MMP27: variants seen among roughly 807,000 people sequenced by gnomAD.
MMP27 encodes matrix metalloproteinase-27.
In MMP27, 51 loss-of-function variants were observed where a neutral mutation model predicts 48.1. The ratio of observed to expected loss-of-function variants is 1.06; its 90% CI spans 0.85 to 1.34. The LOEUF is 1.34. Among genes scored for constraint, MMP27 ranks in the 40% most tolerant of loss-of-function variants. MMP27 has a pLI of 0.00. For synonymous variants in MMP27, 229 were observed against 208.9 expected (o/e 1.10, Z -0.83); for missense variants, 698 against 619.3 (o/e 1.13, Z -1.35).
chr11:102,700,390 A>C (rs1860917701), intron 4 of MMP27, among the ~76,000 whole-genome samples: 1 of 152,206 alleles, frequency 6.6e-6, no homozygotes, highest in Admixed American at 6.5e-5. Context: ...CACCCTAGTT[A>C]TCATTATCAT....
rs563310713 is a variant in MMP27, at chr11:102,694,037, A to C, written c.1062T>G (p.Tyr354Ter). ...KDENFWMIRG[Y>*]AVLPDYPKSI... ...ATTTGGGATAATCTGGCAAGACAGCATATCCTCTGATCATCCAGAAGTTTT... is the reference window on the plus strand; with the variant it reads ...ATTTGGGATAATCTGGCAAGACAGCCTATCCTCTGATCATCCAGAAGTTTT... The change falls in exon 8 of 10, where the codon TAT becomes TAG. Residue 354 changes from tyrosine to a stop codon, truncating the protein, a stop_gained. Coordinates refer to ENST00000260229, the MANE Select transcript of MMP27 (RefSeq NM_022122.3). LOFTEE classifies it high-confidence loss of function. The C allele has an allele frequency of 2.5e-6, 4 of 1,599,712 alleles. No individual in the cohort carries two copies. Among genetic ancestry groups the C allele is most frequent in the Non-Finnish European group, 2.6e-6 (3 of 1,173,798 alleles).
intron 4 of MMP27, among the ~76,000 whole-genome samples, chr11:102,701,273 C>A (rs924830774): frequency 6.7e-6 from 1 of 150,292 alleles, no homozygotes; most frequent in African/African-American, 2.5e-5. Flanking sequence ...CGAGCCTTAC[C>A]GATGTGGAAC....
At chr11:102,701,500 T>C (rs1225398923) in intron 4 of MMP27, among the ~76,000 whole-genome samples, 2 of 152,204 alleles carry the variant, frequency 1.3e-5, no homozygotes, top group South Asian at 4.1e-4. Context: ...ATATTTCCTG[T>C]AACTGTTTGG....
intron 4 of MMP27, among the ~76,000 whole-genome samples, chr11:102,697,138 C>T (rs181030390): frequency 9.8e-5 from 15 of 152,310 alleles, no homozygotes; most frequent in Admixed American, 8.5e-4. Flanking sequence ...TGCTCCCAGG[C>T]TACAAACCTG....
chr11:102,702,782 T>G lies in MMP27; in HGVS notation c.590A>C (p.Glu197Ala), dbSNP rs200213524. Reference sequence around the variant, plus strand: ...TCCATCCTTGGTCCAGTTTTCATCCTCATCAAAATGAGTGTCACCACCCAG... The same window carrying G: ...TCCATCCTTGGTCCAGTTTTCATCCGCATCAAAATGAGTGTCACCACCCAG... ...PGLGGDTHFD[E>A]DENWTKDGAG... The change falls in exon 4 of 10, where the codon GAG (glutamate) becomes GCG (alanine). Residue 197 changes from glutamate to alanine, a missense_variant. Transcript: ENST00000260229. The G allele has an allele frequency of 1.8e-4, 292 of 1,613,642 alleles. 1 individual carries two copies. The East Asian group carries it at 6.3e-3, about 35-fold the overall frequency.
At chr11:102,700,005 C>T (rs776292194) in intron 4 of MMP27, among the ~76,000 whole-genome samples, 3 of 152,190 alleles carry the variant, frequency 2.0e-5, no homozygotes, top group Non-Finnish European at 4.4e-5. Flanking sequence ...TCTGTGAGGA[C>T]CTATTACATT....
rs1024980841 is a variant in MMP27 at position 102,693,997 on chromosome 11, C to G, written c.1102G>C (p.Gly368Arg). 1.9e-6 allele frequency: 3 copies of G among 1,610,264 alleles called. No homozygotes were observed. The African/African-American group carries it at 4.0e-5, about 22-fold the overall frequency. The change falls in exon 8 of 10, where the codon GGT (glycine) becomes CGT (arginine). Residue 368 changes from glycine (G) to arginine (R), a missense_variant. By Grantham distance (125) the Gly-to-Arg change is moderately radical. Transcript: ENST00000260229. ...ATTTTCTTCACACGTCCTGGAAAACCTAATGTATGGATGGATTTGGGATAA... is the reference window on the plus strand; with the variant it reads ...ATTTTCTTCACACGTCCTGGAAAACGTAATGTATGGATGGATTTGGGATAA... Reference protein sequence around the residue: ...PDYPKSIHTLGFPGRVKKIDA... With the variant: ...PDYPKSIHTLRFPGRVKKIDA...
Position 102,704,674 on chromosome 11 carries a change from T to A in MMP27, c.204A>T (p.Ala68=). Residue 68 remains alanine (A), a synonymous_variant, in exon 2 of 10, where the codon GCA becomes GCT. Coordinates refer to ENST00000260229, the MANE Select transcript of MMP27 (RefSeq NM_022122.3). ...TTCCAGTCACTGTCAATCCAAAAAA[T>A]GCTTGCATTTCCCGAATTTTGTCAT... ...LIDDKIREMQ[A]FFGLTVTGKL... The A allele has an allele frequency of 6.2e-7, 1 of 1,614,000 alleles. No individual in the cohort carries two copies. The highest frequency in any genetic ancestry group is 1.7e-5 in the Admixed American group (1 of 60,008).
chr11:102,700,182 A>T (rs4121367), intron 4 of MMP27, among the ~76,000 whole-genome samples: 36 of 152,298 alleles, frequency 2.4e-4, no homozygotes, highest in African/African-American at 7.7e-4. Context: ...ATGTTCAATA[A>T]ATGATCATTG....
chr11:102,700,166 T>C (rs1860912285), intron 4 of MMP27, among the ~76,000 whole-genome samples: 3 of 152,346 alleles, frequency 2.0e-5, no homozygotes, highest in Admixed American at 2.0e-4. Flanking sequence ...GCCTGAGTCA[T>C]AGTGGATGTT....
At chr11:102,703,767 G>A (rs953184698) in intron 2 of MMP27, among the ~76,000 whole-genome samples, 15 of 152,006 alleles carry the variant, frequency 9.9e-5, no homozygotes, top group Non-Finnish European at 1.6e-4. Flanking sequence ...CAGGTGATCC[G>A]TCTGCCTCAG....
At chr11:102,705,126 T>A (rs1861022910) in intron 1 of MMP27, among the ~76,000 whole-genome samples, 1 of 152,258 alleles carries the variant, frequency 6.6e-6, no homozygotes, top group Non-Finnish European at 1.5e-5. Context: ...TTCATTTTGG[T>A]GTTTCTTTGA....
intron 4 of MMP27, 91 bp downstream of exon 4, chr11:102,702,662 T>G: frequency 7.0e-7 from 1 of 1,428,814 alleles, no homozygotes; most frequent in Non-Finnish European, 9.5e-7. Flanking sequence ...ATTGGGAACT[T>G]TACAGTTAAA....
intron 6 of MMP27, among the ~76,000 whole-genome samples, chr11:102,696,166 T>A (rs1421815742): frequency 6.6e-6 from 1 of 152,224 alleles, no homozygotes; most frequent in Non-Finnish European, 1.5e-5. Flanking sequence ...TGGCAATTTT[T>A]AAAATTCCTT....
chr11:102,692,802 G>A (rs922102142), intron 9 of MMP27, 136 bp downstream of exon 9: 14 of 632,766 alleles, frequency 2.2e-5, no homozygotes, highest in Non-Finnish European at 3.4e-5. Flanking sequence ...TGTTTGTGGG[G>A]TTAATGTTTA....
intron 9 of MMP27, 55 bp from the exon 10 acceptor site, chr11:102,692,065 A>C: frequency 7.1e-7 from 1 of 1,414,322 alleles, no homozygotes; most frequent in South Asian, 1.6e-5. Context: ...ATACTTCCAT[A>C]CTTTTAAATT....
At position 102,704,564 on chromosome 11, in the gene MMP27, C is replaced by A. The variant is rs1179073794; in HGVS notation, c.314G>T (p.Gly105Val). The A allele has an allele frequency of 1.9e-6, 3 of 1,613,856 alleles. No homozygotes were observed. Among genetic ancestry groups the A allele is most frequent in the Admixed American group, 3.3e-5 (2 of 59,996 alleles). ...GTAGGTGAGGTTGTATTTTCTCCAC[C>A]CAGGGAGGGTGTAGCCATACTGGCC... ...DVGQYGYTLP[G>V]WRKYNLTYRI... Residue 105 changes from glycine (G) to valine (V), a missense_variant, in exon 2 of 10, where the codon GGG becomes GTG. Transcript: ENST00000260229.
intron 8 of MMP27, among the ~76,000 whole-genome samples, 153 bp from the exon 9 acceptor site, chr11:102,693,194 A>T (rs1860757839): frequency 6.6e-6 from 1 of 152,212 alleles, no homozygotes; most frequent in East Asian, 1.9e-4. Flanking sequence ...TACAGTAAAG[A>T]TTATGTTTGG....
At chr11:102,705,473 T>C (rs777725106) in intron 1 of MMP27, 140 bp downstream of exon 1, 7 of 562,530 alleles carry the variant, frequency 1.2e-5, no homozygotes, top group East Asian at 6.7e-5. Context: ...TCGTCAGAGA[T>C]AGACAAATGA....
Sources: allele counts gnomAD v4.1 joint callset (sites outside exome capture counted in the v4.1 genomes callset), GRCh38; gene constraint gnomAD v4.1.1; transcripts MANE v1.5; gene names NCBI Gene and HGNC (gene_info 2026-07-23, HGNC 2026-07-21).